Variants in ARFGEF3 observed in about 807,000 individuals in gnomAD.
The protein encoded by ARFGEF3 is brefeldin A-inhibited guanine nucleotide-exchange protein 3.
In ARFGEF3, 96 loss-of-function variants were observed where a neutral mutation model predicts 221.7. The observed-to-expected ratio is 0.43, with a 90% CI of 0.37 to 0.51. ARFGEF3 has a LOEUF of 0.51. ARFGEF3 is among the 20% of genes least tolerant of loss of function. ARFGEF3 has a pLI of 0.00. For missense variants in ARFGEF3, 2,410 were observed against 2,789.9 expected, an observed-to-expected ratio of 0.86 and a Z score of 3.07; for synonymous variants, 1,145 against 1,126.8, an observed-to-expected ratio of 1.02 and a Z score of -0.32.
chr6:138,258,486 A>G (rs1778726750), intron 10 of ARFGEF3, among the ~76,000 whole-genome samples: 1 of 152,200 alleles, frequency 6.6e-6, no homozygotes, highest in Admixed American at 6.5e-5. Context: ...TGTTCTAAGT[A>G]TGGCTGCTTC....
rs772633676 is a variant in ARFGEF3, at chr6:138,245,603, A to T, written c.665+12A>T. The stretch of plus-strand genomic sequence containing the variant: ...CAAGCCGCCATAAAGTAAGTGCCCT[A>T]ACCACTGCCGCTTTTCTTTACCAGT... On this transcript the variant is annotated intron_variant, in intron 8 of 33. Coordinates refer to ENST00000251691, the MANE Select transcript of ARFGEF3 (RefSeq NM_020340.5). 1.3e-6 allele frequency: 2 copies of T among 1,595,962 alleles called. No homozygotes were observed. The highest frequency in any genetic ancestry group is 4.5e-5 in the East Asian group (2 of 44,460).
At chr6:138,290,751 C>T (rs1277789322) in intron 18 of ARFGEF3, among the ~76,000 whole-genome samples, 1 of 152,186 alleles carries the variant, frequency 6.6e-6, no homozygotes, top group African/African-American at 2.4e-5. Flanking sequence ...AAACCCAGGT[C>T]TAGGCAGAGC....
chr6:138,213,316 G>A (rs1053589663), intron 4 of ARFGEF3, among the ~76,000 whole-genome samples: 1 of 151,516 alleles, frequency 6.6e-6, no homozygotes, highest in Non-Finnish European at 1.5e-5. Flanking sequence ...ATTTAGCAGG[G>A]CATTGGTGGT....
chr6:138,312,696 G>T (rs114892861), intron 25 of ARFGEF3, among the ~76,000 whole-genome samples: 11,389 of 152,064 alleles, frequency 0.075, 761 homozygotes, highest in South Asian at 0.21. Context: ...GCCAATTCCT[G>T]CCAAGATCCC....
At chr6:138,215,178 C>T (rs1777817167) in intron 4 of ARFGEF3, among the ~76,000 whole-genome samples, 1 of 152,092 alleles carries the variant, frequency 6.6e-6, no homozygotes, top group Non-Finnish European at 1.5e-5. Context: ...ACTTGTTTCC[C>T]TTCTTTCTGA....
chr6:138,311,325 C>A, intron 24 of ARFGEF3, 82 bp from the exon 25 acceptor site: 1 of 777,262 alleles, frequency 1.3e-6, no homozygotes, highest in Non-Finnish European at 2.2e-6. Context: ...TGTACTAGTG[C>A]TATGTGAGTA....
intron 4 of ARFGEF3, among the ~76,000 whole-genome samples, chr6:138,224,915 T>C (rs1778051256): frequency 6.6e-6 from 1 of 152,230 alleles, no homozygotes; most frequent in African/African-American, 2.4e-5. Flanking sequence ...GCATGTTACT[T>C]CATTAATATA....
At chr6:138,194,482 T>C (rs759064383) in intron 2 of ARFGEF3, among the ~76,000 whole-genome samples, 2 of 152,134 alleles carry the variant, frequency 1.3e-5, no homozygotes, top group Non-Finnish European at 1.5e-5. Flanking sequence ...AATCATTAAG[T>C]AACAAAATGC....
At chr6:138,274,586 G>C (rs1212059595) in intron 12 of ARFGEF3, among the ~76,000 whole-genome samples, 2 of 151,942 alleles carry the variant, frequency 1.3e-5, no homozygotes, top group Non-Finnish European at 2.9e-5. Flanking sequence ...ATCCCCTGAG[G>C]TCAGGAGTTC....
chr6:138,167,807 T>A (rs1165794017), intron 1 of ARFGEF3, among the ~76,000 whole-genome samples: 2 of 152,202 alleles, frequency 1.3e-5, no homozygotes, highest in Non-Finnish European at 2.9e-5. Context: ...AACCCCAATC[T>A]TTTCATGACA....
intron 18 of ARFGEF3, 36 bp downstream of exon 18, chr6:138,290,004 C>A (rs1450477153): frequency 5.1e-6 from 8 of 1,579,342 alleles, no homozygotes; most frequent in Non-Finnish European, 6.9e-6. Flanking sequence ...ATGGCACTAA[C>A]CCTGCCTTGG....
chr6:138,277,131 A>G (rs1341021599), intron 12 of ARFGEF3, among the ~76,000 whole-genome samples: 1 of 152,180 alleles, frequency 6.6e-6, no homozygotes, highest in African/African-American at 2.4e-5. Flanking sequence ...TCCAAATAGA[A>G]GGTACTCTGC....
rs114142261 is a variant in ARFGEF3 at position 138,270,786 on chromosome 6, T to C, written c.2128+7175T>C. On this transcript the variant is annotated intron_variant, in intron 12 of 33. Transcript: ENST00000251691. ...GAACACTGGAGTGGGGTGAATTGAT[T>C]GAGTGTTACTGTAGGAGCCTATGGG... Among the ~76,000 whole-genome samples, 705 of 152,248 alleles carry C rather than the reference T, an allele frequency of 4.6e-3. 3 individuals carry two copies. Among genetic ancestry groups the C allele is most frequent in the African/African-American group, 0.016 (651 of 41,548 alleles).
chr6:138,287,146 A>G lies in ARFGEF3; in HGVS notation c.2858A>G (p.Glu953Gly). 6.4e-7 allele frequency: 1 copy of G among 1,572,848 alleles called. No homozygotes were observed. The highest frequency in any genetic ancestry group is 8.6e-7 in the Non-Finnish European group (1 of 1,158,676). ...AASCVQEEKE[E>G]REAQEPSDAI... is the part of the protein sequence containing the mutation. ...TCCTGTGTCCAAGAAGAAAAAGAAG[A>G]GAGGGAGGCCCAAGAACCCAGTGAT... is the stretch of plus-strand genomic sequence containing the variant. Residue 953 changes from glutamate (E) to glycine (G), a missense_variant, in exon 17 of 34, where the codon GAG becomes GGG. Glu to Gly is a moderately conservative substitution (Grantham distance 98). Transcript: ENST00000251691.
intron 2 of ARFGEF3, among the ~76,000 whole-genome samples, chr6:138,173,123 T>C (rs965813890): frequency 6.6e-6 from 1 of 152,110 alleles, no homozygotes; most frequent in Non-Finnish European, 1.5e-5. Flanking sequence ...CAATACAGCA[T>C]TATTTTACTG....
chr6:138,221,016 T>G (rs1333485794), intron 4 of ARFGEF3, among the ~76,000 whole-genome samples: 1 of 152,220 alleles, frequency 6.6e-6, no homozygotes, highest in Non-Finnish European at 1.5e-5. Context: ...TGTCCTGTTC[T>G]TTTGCTGATC....
At chr6:138,173,727 T>C (rs1333048408) in intron 2 of ARFGEF3, among the ~76,000 whole-genome samples, 6 of 152,206 alleles carry the variant, frequency 3.9e-5, no homozygotes, top group African/African-American at 1.4e-4. Context: ...TATTCAACGA[T>C]CTTTTGCTTT....
chr6:138,325,430 G>A (rs957692533), intron 31 of ARFGEF3, among the ~76,000 whole-genome samples: 5 of 152,192 alleles, frequency 3.3e-5, no homozygotes, highest in Non-Finnish European at 7.3e-5. Flanking sequence ...ACACATGCCT[G>A]ACATCTGGGA....
chr6:138,312,787 A>G lies in ARFGEF3; in HGVS notation c.4201-1008A>G, dbSNP rs369003929. ...TGCAGTGGCATGATCTCAGCTCACT[A>G]CAACCTCTGCCTCCCAGGTTCAAGC... On this transcript the variant is annotated intron_variant, in intron 25 of 33. Transcript: ENST00000251691. Among the ~76,000 whole-genome samples the G allele has an allele frequency of 2.6e-5, 4 of 152,198 alleles. No individual in the cohort carries two copies. The East Asian group carries it at 7.7e-4, about 29-fold the overall frequency.
Sources: gnomAD v4.1 joint callset for allele counts (sites outside exome capture counted in the v4.1 genomes callset) on GRCh38, gnomAD v4.1.1 for gene constraint, MANE v1.5 for transcripts, NCBI Gene and HGNC (gene_info 2026-07-23, HGNC 2026-07-21) for gene names.